The following CCSER1 variants were observed in gnomAD, a reference collection of about 807,000 sequenced individuals.
CCSER1 encodes the protein serine-rich coiled-coil domain-containing protein 1.
CCSER1 carries 41 observed loss-of-function variants against 82.0 expected under a neutral mutation model. That is an observed-to-expected ratio of 0.50 (90% confidence interval 0.39 to 0.65). The LOEUF is 0.65. Ranked by LOEUF, CCSER1 falls within the 30% of genes least tolerant of loss-of-function variation. The pLI, the probability that CCSER1 is intolerant of heterozygous loss-of-function variation, is 0.00. For missense variants in CCSER1, 1,119 were observed against 1,064.2 expected, an observed-to-expected ratio of 1.05 and a Z score of -0.72; for synonymous variants, 414 against 383.9, an observed-to-expected ratio of 1.08 and a Z score of -0.92.
chr4:90,324,027 C>T (rs1737664502), intron 3 of CCSER1, among the ~76,000 whole-genome samples: 1 of 152,154 alleles, frequency 6.6e-6, no homozygotes, highest in East Asian at 1.9e-4. Flanking sequence ...GCATAGTATT[C>T]CATGGTGTAT....
chr4:90,647,954 G>A (rs967855132), intron 6 of CCSER1, among the ~76,000 whole-genome samples: 1 of 151,958 alleles, frequency 6.6e-6, no homozygotes, highest in Non-Finnish European at 1.5e-5. Flanking sequence ...ATCTCAGTGG[G>A]GAGAAATAGG....
At chr4:91,403,018 T>A (rs1341352839) in intron 10 of CCSER1, among the ~76,000 whole-genome samples, 1 of 152,240 alleles carries the variant, frequency 6.6e-6, no homozygotes, top group Non-Finnish European at 1.5e-5. Context: ...TGATTCTTCC[T>A]ATCCATGAGC....
intron 9 of CCSER1, among the ~76,000 whole-genome samples, chr4:90,932,990 A>AAGAGAGAGAG (rs1554046135): frequency 4.1e-5 from 2 of 48,490 alleles, no homozygotes; most frequent in Non-Finnish European, 7.7e-5. Context: ...AAGAGAAAGA[A>AAGAGAGAGAG]AGAAAGAAAG....
At chr4:90,811,827 C>G (rs1184821058) in intron 7 of CCSER1, among the ~76,000 whole-genome samples, 2 of 151,662 alleles carry the variant, frequency 1.3e-5, no homozygotes, top group Admixed American at 1.3e-4. Context: ...ACAGATAATT[C>G]TGGATTAGCT....
In CCSER1 at chr4:90,271,852, ATATATATATATTTTTTTTTTTTTTTT is replaced by A. The variant is rs1726480678; in HGVS notation, c.-41-36390_-41-36365del. Among the ~76,000 whole-genome samples the A allele has an allele frequency of 8.2e-5, 2 of 24,442 alleles. 1 individual carries two copies. Among genetic ancestry groups the A allele is most frequent in the African/African-American group, 8.2e-4 (2 of 2,436 alleles). 16.0% of individuals were successfully genotyped at this position (24,442 alleles called of 152,430 possible). On this transcript the variant is annotated intron_variant, in intron 1 of 10. Transcript: ENST00000509176. Reference sequence around the variant, plus strand: ...TATATATATATATATATATATATATATATATATATATTTTTTTTTTTTTTTTTTTTTTTTTTTTAAAAGGAGGTTTA... The same window carrying A: ...TATATATATATATATATATATATATATTTTTTTTTTTTAAAAGGAGGTTTA...
chr4:91,135,706 A>C (rs1728398763), intron 10 of CCSER1, among the ~76,000 whole-genome samples: 1 of 144,988 alleles, frequency 6.9e-6, no homozygotes, highest in African/African-American at 2.5e-5. Flanking sequence ...AGACAGAAGA[A>C]GAAAAGTTGG....
intron 10 of CCSER1, among the ~76,000 whole-genome samples, chr4:91,344,104 T>C (rs192217721): frequency 1.3e-5 from 2 of 152,258 alleles, no homozygotes; most frequent in Non-Finnish European, 2.9e-5. Context: ...TATTAAGAAG[T>C]GGGGCCTTTA....
At chr4:90,884,650 C>A (rs1721852103) in intron 8 of CCSER1, among the ~76,000 whole-genome samples, 1 of 151,900 alleles carries the variant, frequency 6.6e-6, no homozygotes, top group Non-Finnish European at 1.5e-5. Flanking sequence ...TTAGTGAGTC[C>A]ATATCTATTT....
At chr4:90,930,939 T>TATACACAC (rs749253663) in intron 9 of CCSER1, among the ~76,000 whole-genome samples, 2 of 135,086 alleles carry the variant, frequency 1.5e-5, no homozygotes, top group Non-Finnish European at 3.1e-5. Flanking sequence ...TATATATATA[T>TATACACAC]ACACATGACA....
chr4:90,614,431 G>C (rs1203169002), intron 5 of CCSER1, among the ~76,000 whole-genome samples: 3 of 152,120 alleles, frequency 2.0e-5, no homozygotes, highest in African/African-American at 7.2e-5. Context: ...CATGTCAAAA[G>C]CTAGGCATCT....
At chr4:91,428,440 G>A (rs538816536) in intron 10 of CCSER1, among the ~76,000 whole-genome samples, 1 of 152,000 alleles carries the variant, frequency 6.6e-6, no homozygotes, top group East Asian at 1.9e-4. Context: ...CTTGCTTTTG[G>A]AAAATAAAGC....
intron 10 of CCSER1, among the ~76,000 whole-genome samples, chr4:91,574,929 G>A (rs2110295018): frequency 6.6e-6 from 1 of 151,660 alleles, no homozygotes; most frequent in Admixed American, 6.6e-5. Flanking sequence ...AAAAAGTAGA[G>A]CAAAGCTGGA....
chr4:90,476,391 A>G (rs543741677), intron 5 of CCSER1, among the ~76,000 whole-genome samples: 1 of 152,230 alleles, frequency 6.6e-6, no homozygotes, highest in Admixed American at 6.5e-5. Context: ...GGAACAGTCA[A>G]TCACTGGTAG....
intron 7 of CCSER1, among the ~76,000 whole-genome samples, chr4:90,748,414 A>G (rs1747927557): frequency 6.7e-6 from 1 of 150,026 alleles, no homozygotes; most frequent in African/African-American, 2.4e-5. Context: ...TATGTGCCAC[A>G]TTTTCTTAAT....
At chr4:91,308,385 G>A (rs1745223721) in intron 10 of CCSER1, among the ~76,000 whole-genome samples, 1 of 151,970 alleles carries the variant, frequency 6.6e-6, no homozygotes, top group South Asian at 2.1e-4. Flanking sequence ...TGTTCCATAA[G>A]TGGAAGCGTT....
intron 10 of CCSER1, among the ~76,000 whole-genome samples, chr4:91,353,565 A>G (rs1560606782): frequency 6.6e-6 from 1 of 152,200 alleles, no homozygotes; most frequent in Non-Finnish European, 1.5e-5. Context: ...ACAACAATAT[A>G]AAACAATATG....
rs868082348 is a variant in CCSER1, at chr4:91,536,327, C to T, written c.2218-62245C>T. Among the ~76,000 whole-genome samples the T allele has an allele frequency of 1.1e-4, 17 of 152,068 alleles. No individual in the cohort carries two copies. In the Middle Eastern group the frequency reaches 0.014, roughly 122 times the overall value. On this transcript the variant is annotated intron_variant, in intron 10 of 10. Transcript: ENST00000509176. Reference sequence around the variant, plus strand: ...TACATATTCATAATTTCCAGAAGTTCAATTTGTATTTAGATCATGTTTAGC... The same window carrying T: ...TACATATTCATAATTTCCAGAAGTTTAATTTGTATTTAGATCATGTTTAGC...
In CCSER1 at chr4:91,400,165, A is replaced by T. The variant is rs1047538577; in HGVS notation, c.2218-198407A>T. On this transcript the variant is annotated intron_variant, in intron 10 of 10. Transcript: ENST00000509176. ...CTATGCAATTTGTTTTGTCTTTTTA[A>T]AAACTAGATCTCTTACATATAGAAC... Among the ~76,000 whole-genome samples, 10 of 152,000 alleles carry T rather than the reference A, an allele frequency of 6.6e-5. No individual in the cohort carries two copies. In the South Asian group the frequency reaches 2.1e-3, roughly 31 times the overall value.
chr4:90,296,230 A>G (rs1293946901), intron 1 of CCSER1, among the ~76,000 whole-genome samples: 2 of 152,108 alleles, frequency 1.3e-5, no homozygotes, highest in South Asian at 2.1e-4. Context: ...ACAATTATTC[A>G]GTCATGTGCA....
Sources: allele counts gnomAD v4.1 joint callset (sites outside exome capture counted in the v4.1 genomes callset), GRCh38; gene constraint gnomAD v4.1.1; transcripts MANE v1.5; gene names NCBI Gene and HGNC (gene_info 2026-07-23, HGNC 2026-07-21).